Variants in PLEKHA5 observed in about 807,000 individuals in gnomAD.
The protein encoded by PLEKHA5 is pleckstrin homology domain containing A5, also known as pleckstrin homology domain-containing family A member 5.
Under a neutral mutation model 181.9 loss-of-function variants are expected in PLEKHA5, and 55 were observed. The observed-to-expected ratio is 0.30, with a 90% CI of 0.24 to 0.38. The LOEUF (loss-of-function observed/expected upper bound fraction) is 0.38, where lower values mean the gene tolerates loss of function less well. Ranked by LOEUF, PLEKHA5 falls within the 10% of genes least tolerant of loss-of-function variation. The pLI, the probability that PLEKHA5 is intolerant of heterozygous loss-of-function variation, is 1.00. For synonymous variants in PLEKHA5, 535 were observed against 529.4 expected (o/e 1.01, Z -0.15); for missense variants, 1,432 against 1,549.5 (o/e 0.92, Z 1.27).
chr12:19,310,836 C>G (rs765171739), intron 15 of PLEKHA5, among the ~76,000 whole-genome samples: 1 of 151,944 alleles, frequency 6.6e-6, no homozygotes, highest in Non-Finnish European at 1.5e-5. Context: ...ATACTGTATT[C>G]TGTTAAATGT....
chr12:19,239,651 A>G (rs1341479072), intron 3 of PLEKHA5, among the ~76,000 whole-genome samples: 1 of 152,236 alleles, frequency 6.6e-6, no homozygotes, highest in African/African-American at 2.4e-5. Context: ...CAAAACTTAT[A>G]TAACACATTT....
intron 3 of PLEKHA5, among the ~76,000 whole-genome samples, chr12:19,155,981 G>A (rs2041591570): frequency 6.6e-6 from 1 of 152,204 alleles, no homozygotes; most frequent in East Asian, 1.9e-4. Context: ...AAACCCAGAA[G>A]TTCAGAGAAG....
At chr12:19,174,562 C>T (rs1359095607) in intron 3 of PLEKHA5, among the ~76,000 whole-genome samples, 2 of 151,988 alleles carry the variant, frequency 1.3e-5, no homozygotes, top group African/African-American at 2.4e-5. Flanking sequence ...CTCTTAGAGG[C>T]GTGGGATTTA....
At chr12:19,303,090 T>G (rs771934390) in intron 15 of PLEKHA5, among the ~76,000 whole-genome samples, 50 of 151,164 alleles carry the variant, frequency 3.3e-4, no homozygotes, top group Non-Finnish European at 5.6e-4. Context: ...CCCAGCTAAT[T>G]TTTGCATTTT....
chr12:19,375,275 G>A (rs111929205), intron 31 of PLEKHA5, among the ~76,000 whole-genome samples: 1 of 152,012 alleles, frequency 6.6e-6, no homozygotes, highest in South Asian at 2.1e-4. Flanking sequence ...AGAGAGCCGG[G>A]ATCATACCAC....
chr12:19,268,249 C>T (rs149827389), intron 8 of PLEKHA5, among the ~76,000 whole-genome samples: 2 of 152,188 alleles, frequency 1.3e-5, no homozygotes, highest in South Asian at 2.1e-4. Context: ...TGTAGAGGTG[C>T]GTGATATTAG....
At chr12:19,182,702 A>C (rs2048889849) in intron 3 of PLEKHA5, among the ~76,000 whole-genome samples, 1 of 152,210 alleles carries the variant, frequency 6.6e-6, no homozygotes, top group South Asian at 2.1e-4. Flanking sequence ...AAAATACCAG[A>C]AACATTTTGT....
chr12:19,218,926 ATTTTC>A (rs1194228711), intron 3 of PLEKHA5, among the ~76,000 whole-genome samples: 3 of 124,716 alleles, frequency 2.4e-5, no homozygotes, highest in African/African-American at 7.7e-5. Flanking sequence ...TTACTTTTTA[ATTTTC>A]TTTTTTTTTT....
At chr12:19,198,527 T>C (rs2053474167) in intron 3 of PLEKHA5, among the ~76,000 whole-genome samples, 1 of 152,186 alleles carries the variant, frequency 6.6e-6, no homozygotes, top group Non-Finnish European at 1.5e-5. Flanking sequence ...GTCTTTTGTT[T>C]ATTGAGTTTC....
intron 3 of PLEKHA5, among the ~76,000 whole-genome samples, chr12:19,174,286 G>C (rs2046669555): frequency 6.6e-6 from 1 of 152,156 alleles, no homozygotes; most frequent in South Asian, 2.1e-4. Context: ...CTGCTAAACT[G>C]CTCTTAAAAT....
chr12:19,284,204 G>C (rs1468682211), intron 12 of PLEKHA5, among the ~76,000 whole-genome samples: 1 of 152,082 alleles, frequency 6.6e-6, no homozygotes, highest in Non-Finnish European at 1.5e-5. Flanking sequence ...GAGTAGCTGG[G>C]ATTACAGACA....
In PLEKHA5 at chr12:19,346,048, G is replaced by A. The variant is rs554460132; in HGVS notation, c.2709+160G>A. Among the ~76,000 whole-genome samples the A allele has an allele frequency of 4.6e-5, 7 of 152,096 alleles. No individual in the cohort carries two copies. In the East Asian group the frequency reaches 1.4e-3, roughly 29 times the overall value. ...AATTTTATTGGATCAGTAATTTGGT[G>A]CTTCTAATATGTGATTTTTCTTCCC... On this transcript the variant is annotated intron_variant, in intron 23 of 31. Transcript: ENST00000429027.
At chr12:19,358,896 T>G (rs1452173247) in intron 27 of PLEKHA5, among the ~76,000 whole-genome samples, 1 of 152,220 alleles carries the variant, frequency 6.6e-6, no homozygotes, top group Non-Finnish European at 1.5e-5. Context: ...CCATCACCTC[T>G]CAACTTCAGG....
chr12:19,149,845 C>G (rs1056078674), intron 3 of PLEKHA5: 2 of 152,306 alleles, frequency 1.3e-5, no homozygotes, highest in Non-Finnish European at 2.9e-5. Flanking sequence ...GGCCTAGATT[C>G]AGAACTGGGA....
intron 3 of PLEKHA5, among the ~76,000 whole-genome samples, chr12:19,210,607 A>G (rs2152171769): frequency 6.6e-6 from 1 of 152,320 alleles, no homozygotes; most frequent in East Asian, 1.9e-4. Context: ...TTTCCTTGAG[A>G]ATAAATATCT....
At chr12:19,354,926 C>T (rs534665123) in intron 26 of PLEKHA5, among the ~76,000 whole-genome samples, 1 of 152,274 alleles carries the variant, frequency 6.6e-6, no homozygotes, top group South Asian at 2.1e-4. Flanking sequence ...GTACTACACT[C>T]CTTGATGCCT....
chr12:19,274,634 A>G lies in PLEKHA5; in HGVS notation c.964A>G (p.Ile322Val), dbSNP rs2074024163. 1 of 1,613,620 alleles carries G rather than the reference A, an allele frequency of 6.2e-7. No homozygotes were observed. The highest frequency in any genetic ancestry group is 1.7e-5 in the Admixed American group (1 of 60,008). Reference protein sequence around the residue: ...NNQKNKEMSKIEEKKALEAEK... With the variant: ...NNQKNKEMSKVEEKKALEAEK... The stretch of plus-strand genomic sequence containing the variant: ...TCAAAAAAACAAGGAAATGAGCAAA[A>G]TTGAAGAAAAAAAGGCATTAGAAGC... The change falls in exon 11 of 32, where the codon ATT becomes GTT. Residue 322 changes from isoleucine (I) to valine (V), a missense_variant. This residue lies in a region of PLEKHA5 where 1,143 missense variants were observed against 1,168.4 expected (regional missense o/e 0.98). Coordinates refer to ENST00000429027, the MANE Select transcript of PLEKHA5 (RefSeq NM_001256470.2).
intron 3 of PLEKHA5, among the ~76,000 whole-genome samples, chr12:19,231,586 T>G (rs957969296): frequency 1.6e-5 from 2 of 127,770 alleles, no homozygotes; most frequent in Non-Finnish European, 3.1e-5. Flanking sequence ...GTATATATAT[T>G]TATATATGTA....
At chr12:19,357,254 C>CTTTT (rs5796799) in intron 26 of PLEKHA5, among the ~76,000 whole-genome samples, 1 of 96,124 alleles carries the variant, frequency 1.0e-5, no homozygotes, top group African/African-American at 3.4e-5. Flanking sequence ...TCTTTATATT[C>CTTTT]TTTTTTTTTT....
Sources: allele counts gnomAD v4.1 joint callset (sites outside exome capture counted in the v4.1 genomes callset), GRCh38; gene constraint gnomAD v4.1.1; regional missense constraint gnomAD v4.1.1; transcripts MANE v1.5; gene names NCBI Gene and HGNC (gene_info 2026-07-23, HGNC 2026-07-21).